GRPEL1: variants seen among roughly 807,000 people sequenced by gnomAD.
The protein encoded by GRPEL1 is grpE protein homolog 1, mitochondrial.
A neutral mutation model predicts 22.1 loss-of-function variants in GRPEL1; 13 were observed. That is an observed-to-expected ratio of 0.59 (90% confidence interval 0.38 to 0.94). The LOEUF (loss-of-function observed/expected upper bound fraction) is 0.94. GRPEL1 is among the 40% of genes least tolerant of loss of function. The pLI is 0.00. For missense variants in GRPEL1, 289 were observed against 264.6 expected, an observed-to-expected ratio of 1.09 and a Z score of -0.64; for synonymous variants, 109 against 105.3, an observed-to-expected ratio of 1.03 and a Z score of -0.21.
rs1382796235 is a variant in GRPEL1, at chr4:7,068,023, G to C, written c.10C>G (p.Gln4Glu). The change falls in exon 1 of 4, where the codon CAG becomes GAG. Residue 4 changes from glutamine to glutamate, a missense_variant. By Grantham distance (29) the Gln-to-Glu change is conservative. Transcript: ENST00000264954. Reference protein sequence around the residue: MAAQCVRLARRSLP... With the variant: MAAECVRLARRSLP... ...CTGCGCCGCGCCAACCTCACGCACT[G>C]AGCCGCCATGACTGCCACTGCCCGT... is the stretch of plus-strand genomic sequence containing the variant. The C allele has an allele frequency of 6.2e-7, 1 of 1,612,010 alleles. No individual in the cohort carries two copies. The highest frequency in any genetic ancestry group is 1.1e-5 in the South Asian group (1 of 91,000).
At chr4:7,064,705 G>T (rs920220327) in intron 1 of GRPEL1, among the ~76,000 whole-genome samples, 1 of 152,048 alleles carries the variant, frequency 6.6e-6, no homozygotes, top group Admixed American at 6.5e-5. Context: ...CACTATGTTG[G>T]CCAGGCTAGT....
intron 1 of GRPEL1, among the ~76,000 whole-genome samples, chr4:7,066,452 C>T (rs1008432610): frequency 6.6e-6 from 1 of 152,170 alleles, no homozygotes; most frequent in Admixed American, 6.5e-5. Flanking sequence ...TAAAGACAAA[C>T]TAGAAATCCT....
At chr4:7,065,780 C>T (rs1475145075) in intron 1 of GRPEL1, among the ~76,000 whole-genome samples, 1 of 151,954 alleles carries the variant, frequency 6.6e-6, no homozygotes, top group Non-Finnish European at 1.5e-5. Flanking sequence ...AGTGATAAGC[C>T]CAGGTCACAA....
rs1477693415 is a variant in GRPEL1 at position 7,060,108 on chromosome 4, C to T, written c.*754G>A. 1 of 152,216 alleles carries T rather than the reference C, an allele frequency of 6.6e-6. No individual in the cohort carries two copies. Among genetic ancestry groups the T allele is most frequent in the African/African-American group, 2.4e-5 (1 of 41,458 alleles). The allele number at this position is 152,216 out of a possible 1,614,324, so 9.4% of individuals were successfully genotyped here. On this transcript the variant is annotated 3_prime_UTR_variant, in exon 4 of 4. Coordinates refer to ENST00000264954, the MANE Select transcript of GRPEL1 (RefSeq NM_025196.4). Reference sequence around the variant, plus strand: ...TCTTAAATAAAAATTTTAAATTAAACATTAACATTTAAAGTACACCAAGCG... The same window carrying T: ...TCTTAAATAAAAATTTTAAATTAAATATTAACATTTAAAGTACACCAAGCG...
chr4:7,059,103 C>G lies in GRPEL1; in HGVS notation c.*1759G>C, dbSNP rs761988892. The stretch of plus-strand genomic sequence containing the variant: ...GTACACATGGTGTTCACAGGAAAAA[C>G]TGCCTGACAGCGCATTTCTCAGAAC... On this transcript the variant is annotated 3_prime_UTR_variant, in exon 4 of 4. Coordinates refer to ENST00000264954, the MANE Select transcript of GRPEL1 (RefSeq NM_025196.4). The G allele has an allele frequency of 1.3e-5, 2 of 152,206 alleles. No homozygotes were observed. The highest frequency in any genetic ancestry group is 2.4e-5 in the African/African-American group (1 of 41,446). The allele number at this position is 152,206 out of a possible 1,614,324, so 9.4% of individuals were successfully genotyped here. A position where few individuals can be genotyped will look rare whatever the true frequency, so the allele number is the denominator to read the frequency against.
rs1218082859 is a variant in GRPEL1, at chr4:7,059,551, G to A, written c.*1311C>T. ...CAAATTAACTTAAGGCATCTTAAAG[G>A]TGGAACATGTTTGGGAATGGTATCC... On this transcript the variant is annotated 3_prime_UTR_variant, in exon 4 of 4. Coordinates refer to ENST00000264954, the MANE Select transcript of GRPEL1 (RefSeq NM_025196.4). The A allele has an allele frequency of 6.6e-6, 1 of 152,194 alleles. No individual in the cohort carries two copies. Among genetic ancestry groups the A allele is most frequent in the African/African-American group, 2.4e-5 (1 of 41,428 alleles). 9.4% of individuals were successfully genotyped at this position (152,194 alleles called of 1,614,324 possible).
chr4:7,061,271 G>A, intron 3 of GRPEL1, 63 bp from the exon 4 acceptor site: 1 of 1,318,188 alleles, frequency 7.6e-7, no homozygotes, highest in Non-Finnish European at 1.1e-6. Flanking sequence ...ATTCCAAACT[G>A]AGCACTGCTG....
intron 3 of GRPEL1, chr4:7,061,797 T>G (rs6836129): frequency 0.24 from 37,441 of 153,486 alleles, 4,618 homozygotes; most frequent in Middle Eastern, 0.28. Flanking sequence ...TAGCTCTTAG[T>G]TTCCATGTGG....
intron 1 of GRPEL1, among the ~76,000 whole-genome samples, chr4:7,066,034 T>G (rs1224845614): frequency 2.6e-5 from 4 of 152,158 alleles, no homozygotes; most frequent in African/African-American, 9.7e-5. Flanking sequence ...TTTTGTATTT[T>G]TTTAGTAGAG....
intron 3 of GRPEL1, 178 bp from the exon 4 acceptor site, chr4:7,061,386 G>A (rs538675981): frequency 3.5e-6 from 2 of 577,798 alleles, no homozygotes; most frequent in African/African-American, 1.9e-5. Flanking sequence ...AGCTACTTGT[G>A]GGATGAGACC....
rs386356639 is a variant in GRPEL1 at position 7,062,515 on chromosome 4, TC to T, written c.226-50del. On this transcript the variant is annotated intron_variant, in intron 2 of 3. Coordinates refer to ENST00000264954, the MANE Select transcript of GRPEL1 (RefSeq NM_025196.4). The stretch of plus-strand genomic sequence containing the variant: ...TTATATATATATATATATATATATA[TC>T]TTTTTTTTTGAGACGGAATCTTGCT... 3,623 of 365,720 alleles carry T rather than the reference TC, an allele frequency of 9.9e-3. 119 individuals are homozygous for T. Among genetic ancestry groups the T allele is most frequent in the African/African-American group, 0.092 (3,295 of 35,986 alleles). The allele number at this position is 365,720 out of a possible 1,614,324, so 22.7% of individuals were successfully genotyped here. A position where few individuals can be genotyped will look rare whatever the true frequency, so the allele number is the denominator to read the frequency against.
rs777537372 is a variant in GRPEL1 at position 7,064,027 on chromosome 4, G to A, written c.225+34C>T. On this transcript the variant is annotated intron_variant, in intron 2 of 3. Coordinates refer to ENST00000264954, the MANE Select transcript of GRPEL1 (RefSeq NM_025196.4). ...GGCCCAGGAGAGAAACAGTTCAGCC[G>A]AGCCCGCCCCCACAGGAGCCTCACA... 16 of 1,601,844 alleles carry A rather than the reference G, an allele frequency of 1.0e-5. No homozygotes were observed. In the East Asian group the frequency reaches 1.3e-4, roughly 13 times the overall value.
chr4:7,068,005 G>T lies in GRPEL1; in HGVS notation c.28C>A (p.Arg10=). ...AACGCCAAAGCAGGAAGACTGCGCC[G>T]CGCCAACCTCACGCACTGAGCCGCC... MAAQCVRLA[R]RSLPALALSL... The change falls in exon 1 of 4, where the codon CGG becomes AGG. Residue 10 remains arginine, a synonymous_variant. Coordinates refer to ENST00000264954, the MANE Select transcript of GRPEL1 (RefSeq NM_025196.4). 3 of 1,613,216 alleles carry T rather than the reference G, an allele frequency of 1.9e-6. No individual in the cohort carries two copies. The highest frequency in any genetic ancestry group is 2.5e-6 in the Non-Finnish European group (3 of 1,179,888).
intron 1 of GRPEL1, 64 bp downstream of exon 1, chr4:7,067,887 GGAGGCCCCGGGGCCGGGAAA>G: frequency 7.1e-7 from 1 of 1,411,946 alleles, no homozygotes; most frequent in Non-Finnish European, 9.9e-7. Context: ...AGGCCGGGAA[GGAGGCCCCGGGGCCGGGAAA>G]GGCCCCCATC....
intron 2 of GRPEL1, 66 bp from the exon 3 acceptor site, chr4:7,062,532 G>T: frequency 2.4e-6 from 1 of 417,816 alleles, no homozygotes; most frequent in South Asian, 6.1e-5. Flanking sequence ...TTTTGAGACG[G>T]AATCTTGCTC....
chr4:7,065,219 T>C lies in GRPEL1; in HGVS notation c.63-996A>G, dbSNP rs140283246. 6.0e-3 allele frequency among the ~76,000 whole-genome samples: 916 copies of C among 152,322 alleles called. 4 individuals carry two copies. Among genetic ancestry groups the C allele is most frequent in the Non-Finnish European group, 8.5e-3 (575 of 68,032 alleles). ...AAACACAAAGAACAGTAATTTGTGA[T>C]TTAAAAGTGATTAAGACAGGTTCGC... On this transcript the variant is annotated intron_variant, in intron 1 of 3. Transcript: ENST00000264954.
intron 1 of GRPEL1, among the ~76,000 whole-genome samples, chr4:7,064,548 TGAGA>T (rs370308103): frequency 6.3e-4 from 96 of 152,270 alleles, no homozygotes; most frequent in African/African-American, 1.9e-3. Flanking sequence ...TCTTTTTTTT[TGAGA>T]GAGAGAGTCT....
At position 7,060,617 on chromosome 4, in the gene GRPEL1, G is replaced by T; in HGVS notation, c.*245C>A. On this transcript the variant is annotated 3_prime_UTR_variant, in exon 4 of 4. Coordinates refer to ENST00000264954, the MANE Select transcript of GRPEL1 (RefSeq NM_025196.4). ...TCATGATGCTCGGGAGACCAGGCAG[G>T]GCCCTGCTGAGCTCTTCTGAAAGTA... The T allele has an allele frequency of 1.9e-6, 1 of 523,138 alleles. No individual in the cohort carries two copies. Among genetic ancestry groups the T allele is most frequent in the South Asian group, 2.6e-5 (1 of 38,362 alleles). 32.4% of individuals were successfully genotyped at this position (523,138 alleles called of 1,614,324 possible).
At chr4:7,066,353 G>A (rs555291841) in intron 1 of GRPEL1, among the ~76,000 whole-genome samples, 45 of 152,320 alleles carry the variant, frequency 3.0e-4, no homozygotes, top group Middle Eastern at 3.4e-3. Context: ...CTAAAAATGA[G>A]TTAAACTGCC....
Sources: gnomAD v4.1 joint callset for allele counts (sites outside exome capture counted in the v4.1 genomes callset) on GRCh38, gnomAD v4.1.1 for gene constraint, MANE v1.5 for transcripts, NCBI Gene and HGNC (gene_info 2026-07-23, HGNC 2026-07-21) for gene names.